SLC22A6: variants seen among roughly 807,000 people sequenced by gnomAD.
SLC22A6 encodes PAH transporter.
SLC22A6 carries 45 observed loss-of-function variants against 56.7 expected under a neutral mutation model. That is an observed-to-expected ratio of 0.79 (90% CI 0.63 to 1.02). The LOEUF (loss-of-function observed/expected upper bound fraction) is 1.02. Among genes scored for constraint, SLC22A6 ranks in the 50% least tolerant of loss-of-function variants. The pLI is 0.00. For synonymous variants in SLC22A6, 291 were observed against 295.9 expected (o/e 0.98, Z 0.17); for missense variants, 606 against 713.8 (o/e 0.85, Z 1.72).
chr11:62,978,309 G>GTTTTATTTTAT (rs376556547), intron 8 of SLC22A6, among the ~76,000 whole-genome samples: 8 of 133,318 alleles, frequency 6.0e-5, no homozygotes, highest in Non-Finnish European at 1.1e-4. Flanking sequence ...TCCCATTCTT[G>GTTTTATTTTAT]TTTATTTTAT....
rs1590675966 is a variant in SLC22A6, at chr11:62,981,003, A to T, written c.1019T>A (p.Leu340His). 1 of 1,608,686 alleles carries T rather than the reference A, an allele frequency of 6.2e-7. No homozygotes were observed. The highest frequency in any genetic ancestry group is 2.2e-5 in the East Asian group (1 of 44,764). The change falls in exon 6 of 10, where the codon CTC becomes CAC. Residue 340 changes from leucine (L) to histidine (H), a missense_variant. Coordinates refer to ENST00000360421, the MANE Select transcript of SLC22A6 (RefSeq NM_153276.3). ...LRCPTLRHLF[L>H]CLSMLWFATS... ...GGCCTACCACAGCATGGAGAGGCAG[A>T]GGAAGAGGTGGCGGAGGGTGGGGCA...
chr11:62,979,686 T>C (rs771130031), intron 7 of SLC22A6, 48 bp downstream of exon 7: 1 of 1,598,326 alleles, frequency 6.3e-7, no homozygotes, highest in Middle Eastern at 1.7e-4. Flanking sequence ...GGGTTATGTG[T>C]GGGGATGGGG....
At position 62,984,373 on chromosome 11, in the gene SLC22A6, G is replaced by A. The variant is rs1254753357; in HGVS notation, c.318C>T (p.Thr106=). The A allele has an allele frequency of 5.6e-6, 9 of 1,613,766 alleles. No individual in the cohort carries two copies. The highest frequency in any genetic ancestry group is 1.1e-5 in the South Asian group (1 of 91,070). The part of the protein sequence containing the change: ...ANGTGATEPC[T]DGWIYDNSTF... ...TGCTGTTGTCATAGATCCAGCCATC[G>A]GTGCAGGGCTCTGTGGCCCCTGTGC... The change falls in exon 1 of 10, where the codon ACC becomes ACT. Residue 106 remains threonine (T), a synonymous_variant. Transcript: ENST00000360421.
At chr11:62,979,164 C>G (rs1256442449) in intron 8 of SLC22A6, among the ~76,000 whole-genome samples, 1 of 152,122 alleles carries the variant, frequency 6.6e-6, no homozygotes, top group Non-Finnish European at 1.5e-5. Flanking sequence ...GTGGTGGCAG[C>G]TTCTAATTTG....
chr11:62,980,610 T>C (rs539103149), intron 6 of SLC22A6, among the ~76,000 whole-genome samples: 1 of 152,394 alleles, frequency 6.6e-6, no homozygotes, highest in African/African-American at 2.4e-5. Context: ...AGTCATCTTG[T>C]TGCCTGTGCC....
Position 62,983,714 on chromosome 11 carries a change from T to C in SLC22A6, c.474-23A>G. ...AGCCTGTGGGAGGAGGGGAGACTTG[T>C]AGCAGGGCCCTGGAGACTGATGGGG... is the stretch of plus-strand genomic sequence containing the variant. On this transcript the variant is annotated intron_variant, in intron 2 of 9. Transcript: ENST00000360421. This position sits in a 1 kb window ranked among gnomAD's most constrained non-coding sequence, Gnocchi z 4.5. The C allele has an allele frequency of 6.3e-7, 1 of 1,596,864 alleles. No individual in the cohort carries two copies. Among genetic ancestry groups the C allele is most frequent in the African/African-American group, 1.3e-5 (1 of 74,336 alleles).
Position 62,981,980 on chromosome 11 carries a change from G to A in SLC22A6, c.659C>T (p.Ala220Val), listed in dbSNP as rs774483013. ...NVEWMPIHTR[A>V]CVGTLIGYVY... is the part of the protein sequence containing the mutation. ...ATAGCCAATCAAGGTGCCCACGCAGGCCCGTGTGTGAATGGGCATCCACTC... is the reference window on the plus strand; with the variant it reads ...ATAGCCAATCAAGGTGCCCACGCAGACCCGTGTGTGAATGGGCATCCACTC... The change falls in exon 4 of 10, where the codon GCC (alanine) becomes GTC (valine). Residue 220 changes from alanine (A) to valine (V), a missense_variant. Ala to Val is a moderately conservative substitution (Grantham distance 64). Coordinates refer to ENST00000360421, the MANE Select transcript of SLC22A6 (RefSeq NM_153276.3). 3 of 1,613,964 alleles carry A rather than the reference G, an allele frequency of 1.9e-6. No individual in the cohort carries two copies. The African/African-American group carries it at 4.0e-5, about 22-fold the overall frequency.
chr11:62,978,590 C>CTTTT (rs1230405831), intron 8 of SLC22A6, among the ~76,000 whole-genome samples: 10 of 102,572 alleles, frequency 9.7e-5, no homozygotes, highest in Non-Finnish European at 1.7e-4. Context: ...GTCTTGATCT[C>CTTTT]TTTTTTTTTT....
In SLC22A6 at chr11:62,984,624, G is replaced by A. The variant is rs1246813972; in HGVS notation, c.67C>T (p.Leu23=). Residue 23 remains leucine (L), a synonymous_variant, in exon 1 of 10, where the codon CTG becomes TTG. Transcript: ENST00000360421. ...ATCAGGAGCAGGGGGAGGACCACCA[G>A]GGTGACCTGGATCTGCTGGAAGCGG... ...VGRFQQIQVT[L]VVLPLLLMAS... The A allele has an allele frequency of 6.2e-7, 1 of 1,613,618 alleles. No homozygotes were observed. Among genetic ancestry groups the A allele is most frequent in the Non-Finnish European group, 8.5e-7 (1 of 1,179,890 alleles).
chr11:62,984,905 C>T lies in SLC22A6; in HGVS notation c.-215G>A. 1 of 576,936 alleles carries T rather than the reference C, an allele frequency of 1.7e-6. No individual in the cohort carries two copies. The highest frequency in any genetic ancestry group is 3.1e-6 in the Non-Finnish European group (1 of 325,948). The allele number at this position is 576,936 out of a possible 1,614,324, so 35.7% of individuals were successfully genotyped here. On this transcript the variant is annotated 5_prime_UTR_variant, in exon 1 of 10. Coordinates refer to ENST00000360421, the MANE Select transcript of SLC22A6 (RefSeq NM_153276.3). ...CCCCGGTCTCCCTGATCTGTCCCTC[C>T]CTTTTCCCTTGCAGCTTCTCCTCAC...
intron 1 of SLC22A6, 77 bp from the exon 2 acceptor site, chr11:62,984,124 C>G (rs1387257380): frequency 1.6e-6 from 2 of 1,220,010 alleles, no homozygotes; most frequent in Non-Finnish European, 2.3e-6. Flanking sequence ...TCAGCTGGTC[C>G]TCTGGGGTCC....
Position 62,984,323 on chromosome 11 carries a change from T to TC in SLC22A6, c.367dup (p.Glu123GlyfsTer148). The TC allele has an allele frequency of 6.2e-7, 1 of 1,612,952 alleles. No homozygotes were observed. Among genetic ancestry groups the TC allele is most frequent in the Non-Finnish European group, 8.5e-7 (1 of 1,179,890 alleles). On this transcript the variant is annotated frameshift_variant and splice_region_variant, in exon 1 of 10. Coordinates refer to ENST00000360421, the MANE Select transcript of SLC22A6 (RefSeq NM_153276.3). LOFTEE classifies it high-confidence loss of function. ...GGATGGGGAGCCCCAGGTGCTCACCTCAGTCACGATGGTAGATGGGAAGGT... is the reference window on the plus strand; with the variant it reads ...GGATGGGGAGCCCCAGGTGCTCACCTCCAGTCACGATGGTAGATGGGAAGGT...
rs1184609611 is a variant in SLC22A6 at position 62,983,387 on chromosome 11, G to A, written c.628+150C>T. 9 of 806,388 alleles carry A rather than the reference G, an allele frequency of 1.1e-5. No homozygotes were observed. The highest frequency in any genetic ancestry group is 5.0e-5 in the South Asian group (3 of 60,266). 50.0% of individuals were successfully genotyped at this position (806,388 alleles called of 1,614,324 possible). On this transcript the variant is annotated intron_variant, in intron 3 of 9. Coordinates refer to ENST00000360421, the MANE Select transcript of SLC22A6 (RefSeq NM_153276.3). The surrounding 1 kb of genome is among the most constrained non-coding windows in gnomAD (Gnocchi z 4.5). ...TGAGGGGTCAGGGCGGCATGAGCCT[G>A]AGAAAAGGTTGTTCTATTGGCAGGA...
intron 8 of SLC22A6, 74 bp downstream of exon 8, chr11:62,979,414 G>A: frequency 9.6e-7 from 1 of 1,041,840 alleles, no homozygotes; most frequent in Non-Finnish European, 1.5e-6. Context: ...TTTAGCTCTG[G>A]GGTCTGACCT....
rs2135103085 is a variant in SLC22A6 at position 62,984,475 on chromosome 11, C to A, written c.216G>T (p.Gln72His). 1 of 1,613,984 alleles carries A rather than the reference C, an allele frequency of 6.2e-7. No homozygotes were observed. Among genetic ancestry groups the A allele is most frequent in the Admixed American group, 1.7e-5 (1 of 60,028 alleles). ...AGCGGAGGCAGGACTCAGGCTGCCC[C>A]TGCCTGTCCCGGGGCAGCCAGACCT... ...GLEVWLPRDR[Q>H]GQPESCLRFT... Residue 72 changes from glutamine (Q) to histidine (H), a missense_variant, in exon 1 of 10, where the codon CAG becomes CAT. Physicochemically the swap from Gln to His is conservative, Grantham distance 24. Transcript: ENST00000360421.
Position 62,984,542 on chromosome 11 carries a change from C to T in SLC22A6, c.149G>A (p.Arg50His), listed in dbSNP as rs11568626. Reference protein sequence around the residue: ...FTAAIPTHHCRPPADANLSKN... With the variant: ...FTAAIPTHHCHPPADANLSKN... Reference sequence around the variant, plus strand: ...GCTGAGGTTGGCATCGGCAGGCGGGCGGCAGTGGTGGGTAGGGATGGCAGC... The same window carrying T: ...GCTGAGGTTGGCATCGGCAGGCGGGTGGCAGTGGTGGGTAGGGATGGCAGC... Residue 50 changes from arginine to histidine, a missense_variant, in exon 1 of 10, where the codon CGC (arginine) becomes CAC (histidine). Coordinates refer to ENST00000360421, the MANE Select transcript of SLC22A6 (RefSeq NM_153276.3). 3.6e-3 allele frequency: 5,760 copies of T among 1,613,590 alleles called. 162 individuals carry two copies. The African/African-American group carries it at 0.066, about 19-fold the overall frequency.
intron 1 of SLC22A6, 116 bp downstream of exon 1, chr11:62,984,206 T>TAACTCAGCAGTTAAAA (rs1330455889): frequency 2.9e-6 from 4 of 1,381,108 alleles, no homozygotes; most frequent in South Asian, 1.4e-5. Context: ...TTTTTCTTTT[T>TAACTCAGCAGTTAAAA]AACTCAGCAG....
chr11:62,984,425 G>A lies in SLC22A6; in HGVS notation c.266C>T (p.Pro89Leu). Reference sequence around the variant, plus strand: ...ATTGGCTTCTGTGCCATTGAGAAAGGGCAGTCCCCACTGCGGGGAGGTGAA... The same window carrying A: ...ATTGGCTTCTGTGCCATTGAGAAAGAGCAGTCCCCACTGCGGGGAGGTGAA... ...LRFTSPQWGL[P>L]FLNGTEANGT... Residue 89 changes from proline (P) to leucine (L), a missense_variant, in exon 1 of 10, where the codon CCC (proline) becomes CTC (leucine). By Grantham distance (98) the Pro-to-Leu change is moderately conservative. Transcript: ENST00000360421. 6.2e-7 allele frequency: 1 copy of A among 1,613,874 alleles called. No homozygotes were observed. The highest frequency in any genetic ancestry group is 1.1e-5 in the South Asian group (1 of 91,070).
intron 3 of SLC22A6, 101 bp from the exon 4 acceptor site, chr11:62,982,111 G>A: frequency 8.6e-7 from 1 of 1,166,686 alleles, no homozygotes; most frequent in Non-Finnish European, 1.2e-6. Flanking sequence ...AAGGCTCAGT[G>A]GAAAATGCAT....
Sources: gnomAD v4.1 joint callset for allele counts (sites outside exome capture counted in the v4.1 genomes callset) on GRCh38, gnomAD v4.1.1 for gene constraint, Gnocchi (gnomAD v3.1) non-coding constraint, MANE v1.5 for transcripts, NCBI Gene and HGNC (gene_info 2026-07-23, HGNC 2026-07-21) for gene names.